Variants in AKAP9 observed in about 807,000 individuals in gnomAD.
AKAP9 encodes A-kinase anchoring protein 9.
A neutral mutation model predicts 488.5 loss-of-function variants in AKAP9; 311 were observed. That is an observed-to-expected ratio of 0.64 (90% CI 0.58 to 0.70). AKAP9 has a LOEUF of 0.70. Among genes scored for constraint, AKAP9 ranks in the 30% least tolerant of loss-of-function variants. The pLI, the probability that AKAP9 is intolerant of heterozygous loss-of-function variation, is 0.00. For synonymous variants in AKAP9, 1,462 were observed against 1,483.5 expected (o/e 0.99, Z 0.33); for missense variants, 4,215 against 4,374.5 (o/e 0.96, Z 1.03).
chr7:92,008,990 A>AG (rs1800316905), intron 8 of AKAP9, among the ~76,000 whole-genome samples: 1 of 151,632 alleles, frequency 6.6e-6, no homozygotes, highest in Admixed American at 6.6e-5. Context: ...ATTTAAAAAA[A>AG]AAAAAAAAAA....
Position 92,086,360 on chromosome 7 carries a change from G to T in AKAP9, c.9157G>T (p.Gly3053Cys). The part of the protein sequence containing the change: ...AAFRTELTAL[G>C]TTDAVGLLNC... ...ATTTCGGACGGAGCTGACAGCTCTA[G>T]GTACTACAGATGCAGTTGGTTTACT... The change falls in exon 37 of 50, where the codon GGT (glycine) becomes TGT (cysteine). Residue 3053 changes from glycine (G) to cysteine (C), a missense_variant. Around this residue, in one of 5 missense-constraint regions of AKAP9, gnomAD observed 1,476 missense variants for 1,477.4 expected, o/e 1.00. Transcript: ENST00000356239. 6.2e-7 allele frequency: 1 copy of T among 1,613,938 alleles called. No individual in the cohort carries two copies. Among genetic ancestry groups the T allele is most frequent in the Non-Finnish European group, 8.5e-7 (1 of 1,179,944 alleles).
chr7:92,070,826 GC>G, intron 27 of AKAP9, 78 bp from the exon 28 acceptor site: 2 of 565,958 alleles, frequency 3.5e-6, no homozygotes, highest in Non-Finnish European at 2.6e-6. Flanking sequence ...AAAAAAAAAA[GC>G]AGACCAAAAA....
At chr7:91,986,601 AG>A (rs1317727018) in intron 3 of AKAP9, among the ~76,000 whole-genome samples, 1 of 152,214 alleles carries the variant, frequency 6.6e-6, no homozygotes, top group African/African-American at 2.4e-5. Context: ...GGTGATTTTC[AG>A]GTTTTCTGTA....
chr7:92,082,053 C>G (rs1185472170), intron 31 of AKAP9, among the ~76,000 whole-genome samples: 1 of 151,984 alleles, frequency 6.6e-6, no homozygotes, highest in East Asian at 1.9e-4. Flanking sequence ...TGCAACCTCT[C>G]CCTCCTGAGC....
intron 35 of AKAP9, among the ~76,000 whole-genome samples, chr7:92,085,250 A>G (rs1284902090): frequency 1.3e-5 from 2 of 152,206 alleles, no homozygotes; most frequent in African/African-American, 2.4e-5. Context: ...TCAGTAGCTT[A>G]TCAGTAAACC....
chr7:91,983,925 A>G (rs989592763), intron 3 of AKAP9, among the ~76,000 whole-genome samples: 1 of 152,188 alleles, frequency 6.6e-6, no homozygotes, highest in Non-Finnish European at 1.5e-5. Context: ...TGTTGGCTGC[A>G]TGAATGTCTT....
chr7:91,974,122 T>C (rs1795392849), intron 2 of AKAP9, among the ~76,000 whole-genome samples, 154 bp downstream of exon 2: 1 of 152,208 alleles, frequency 6.6e-6, no homozygotes, highest in Admixed American at 6.5e-5. Context: ...ACTAAAATAT[T>C]TGATCATCTC....
At chr7:92,014,939 C>T (rs1801300978) in intron 10 of AKAP9, among the ~76,000 whole-genome samples, 1 of 151,974 alleles carries the variant, frequency 6.6e-6, no homozygotes, top group Non-Finnish European at 1.5e-5. Flanking sequence ...GTAGAGTGAG[C>T]CAAAACACTA....
At chr7:91,987,527 A>T (rs940161685) in intron 3 of AKAP9, among the ~76,000 whole-genome samples, 2 of 152,234 alleles carry the variant, frequency 1.3e-5, no homozygotes, top group Non-Finnish European at 2.9e-5. Context: ...ATGGATTCAC[A>T]ACGGATTATA....
chr7:91,941,541 T>C (rs1383488152), intron 1 of AKAP9, among the ~76,000 whole-genome samples: 1 of 152,098 alleles, frequency 6.6e-6, no homozygotes, highest in African/African-American at 2.4e-5. Context: ...CTTTTCTTTA[T>C]TGGGTTGGGG....
chr7:92,074,749 A>G (rs1812287765), intron 28 of AKAP9, among the ~76,000 whole-genome samples: 2 of 152,208 alleles, frequency 1.3e-5, no homozygotes, highest in South Asian at 4.1e-4. Context: ...ATTCTCAGCA[A>G]ACTATCACAA....
rs775762165 is a variant in AKAP9, at chr7:92,070,010, T to G, written c.6331-20T>G. 10 of 1,605,380 alleles carry G rather than the reference T, an allele frequency of 6.2e-6. No homozygotes were observed. The highest frequency in any genetic ancestry group is 7.6e-6 in the Non-Finnish European group (9 of 1,177,524). ...GCTGAAATTTTTTTTAAATTAAATT[T>G]TTTGCCTCTTATATTTCAGGTTGAA... On this transcript the variant is annotated intron_variant, in intron 26 of 49. Transcript: ENST00000356239.
chr7:92,108,435 G>C, intron 48 of AKAP9, 59 bp from the exon 49 acceptor site: 1 of 1,586,576 alleles, frequency 6.3e-7, no homozygotes, highest in South Asian at 1.1e-5. Context: ...AGGCAGGTTG[G>C]TAACTTATAT....
chr7:91,966,110 T>TCAC (rs1307775051), intron 1 of AKAP9, among the ~76,000 whole-genome samples: 1 of 152,192 alleles, frequency 6.6e-6, no homozygotes, highest in African/African-American at 2.4e-5. Flanking sequence ...CAGGCCAGTC[T>TCAC]CAAACTCTCA....
chr7:92,068,365 CAAAAAAAAA>C lies in AKAP9; in HGVS notation c.6331-1651_6331-1643del, dbSNP rs77237109. Among the ~76,000 whole-genome samples the C allele has an allele frequency of 1.1e-3, 51 of 46,520 alleles. No individual in the cohort carries two copies. In the East Asian group the frequency reaches 0.022, roughly 20 times the overall value. 30.5% of individuals were successfully genotyped at this position (46,520 alleles called of 152,430 possible). A position where few individuals can be genotyped will look rare whatever the true frequency, so the allele number is the denominator to read the frequency against. On this transcript the variant is annotated intron_variant, in intron 26 of 49. Transcript: ENST00000356239. ...TTGGGGACAGAGCAAGACTCCGTCT[CAAAAAAAAA>C]AAAAAAAAAAAAAGAAAAAAGTTAT... is the stretch of plus-strand genomic sequence containing the variant.
intron 26 of AKAP9, among the ~76,000 whole-genome samples, chr7:92,067,569 A>T (rs1810972232): frequency 6.6e-6 from 1 of 152,170 alleles, no homozygotes; most frequent in Non-Finnish European, 1.5e-5. Flanking sequence ...GTTTGCCTGG[A>T]TCACTGTGGT....
intron 38 of AKAP9, 121 bp from the exon 39 acceptor site, chr7:92,092,976 A>G: frequency 2.3e-6 from 2 of 873,268 alleles, no homozygotes; most frequent in Non-Finnish European, 3.5e-6. Context: ...TGGGACTATA[A>G]TTTTTCATGT....
chr7:92,037,791 C>T (rs1805436464), intron 16 of AKAP9, among the ~76,000 whole-genome samples: 1 of 152,126 alleles, frequency 6.6e-6, no homozygotes, highest in South Asian at 2.1e-4. Flanking sequence ...TATATAATTA[C>T]AAATATTTCA....
In AKAP9 at chr7:92,079,389, C is replaced by A; in HGVS notation, c.7256C>A (p.Thr2419Asn). 8 of 1,613,894 alleles carry A rather than the reference C, an allele frequency of 5.0e-6. No homozygotes were observed. Among genetic ancestry groups the A allele is most frequent in the Non-Finnish European group, 6.8e-6 (8 of 1,179,958 alleles). Reference sequence around the variant, plus strand: ...TTCATGAAAAATGTACTTAAAGAAACCAATTTTAAAATGAATCAGCTAACA... The same window carrying A: ...TTCATGAAAAATGTACTTAAAGAAAACAATTTTAAAATGAATCAGCTAACA... ...MTFMKNVLKETNFKMNQLTQE... is the reference protein window; with the variant it reads ...MTFMKNVLKENNFKMNQLTQE... The change falls in exon 31 of 50, where the codon ACC becomes AAC. Residue 2419 changes from threonine (T) to asparagine (N), a missense_variant. This residue lies in a region of AKAP9 where 1,476 missense variants were observed against 1,477.4 expected (regional missense o/e 1.00). Transcript: ENST00000356239.
Sources: gnomAD v4.1 joint callset for allele counts (sites outside exome capture counted in the v4.1 genomes callset) on GRCh38, gnomAD v4.1.1 for gene constraint, gnomAD v4.1.1 regional missense constraint, MANE v1.5 for transcripts, NCBI Gene and HGNC (gene_info 2026-07-23, HGNC 2026-07-21) for gene names.